Variants in LRP1B observed in about 807,000 individuals in gnomAD.
LRP1B encodes LDL receptor related protein 1B, also known as low-density lipoprotein receptor-related protein 1B.
LRP1B carries 217 observed loss-of-function variants against 556.6 expected under a neutral mutation model. The ratio of observed to expected loss-of-function variants is 0.39; its 90% CI spans 0.35 to 0.44. LRP1B has a LOEUF of 0.44. Among genes scored for constraint, LRP1B ranks in the 20% least tolerant of loss-of-function variants. The probability of loss-of-function intolerance (pLI) is 1.00; values close to 1 mark genes in which losing one functional copy is unlikely to be tolerated. For synonymous variants in LRP1B, 2,047 were observed against 1,865.8 expected (o/e 1.10, Z -2.50); for missense variants, 5,053 against 5,620.8 (o/e 0.90, Z 3.23).
chr2:141,436,459 C>A (rs755503561), intron 3 of LRP1B, among the ~76,000 whole-genome samples: 5 of 152,146 alleles, frequency 3.3e-5, no homozygotes, highest in Non-Finnish European at 5.9e-5. Flanking sequence ...ACAAAACATT[C>A]ATTCAGTAGG....
At chr2:141,352,171 G>A (rs1273812854) in intron 3 of LRP1B, among the ~76,000 whole-genome samples, 1 of 151,876 alleles carries the variant, frequency 6.6e-6, no homozygotes, top group Non-Finnish European at 1.5e-5. Context: ...AAGTTAGGGA[G>A]ATTAGAGAGT....
chr2:141,628,626 A>G (rs1041436906), intron 2 of LRP1B, among the ~76,000 whole-genome samples: 1 of 152,072 alleles, frequency 6.6e-6, no homozygotes, highest in Admixed American at 6.6e-5. Context: ...GGCAGAAGCT[A>G]TAATAAGTTT....
chr2:141,271,479 G>A (rs954816861), intron 3 of LRP1B, among the ~76,000 whole-genome samples: 6 of 151,592 alleles, frequency 4.0e-5, no homozygotes, highest in African/African-American at 1.5e-4. Context: ...AAAAAAATTT[G>A]AAAGCAGAAA....
At chr2:141,380,590 C>T (rs754034437) in intron 3 of LRP1B, among the ~76,000 whole-genome samples, 1 of 152,118 alleles carries the variant, frequency 6.6e-6, no homozygotes, top group Non-Finnish European at 1.5e-5. Flanking sequence ...TTCATTAGGC[C>T]TCTAGGTGCA....
intron 7 of LRP1B, among the ~76,000 whole-genome samples, chr2:141,139,602 C>T (rs1464680896): frequency 1.3e-5 from 2 of 151,792 alleles, no homozygotes; most frequent in African/African-American, 2.4e-5. Flanking sequence ...AATTCAATAT[C>T]ATTAGTAACT....
intron 20 of LRP1B, among the ~76,000 whole-genome samples, chr2:140,937,913 T>A (rs1476709940): frequency 1.8e-5 from 2 of 112,406 alleles, no homozygotes; most frequent in Admixed American, 1.7e-4. Context: ...TGGTAGGACA[T>A]TTTTTTTTTT....
intron 2 of LRP1B, among the ~76,000 whole-genome samples, chr2:141,604,900 G>T (rs1402426339): frequency 6.6e-6 from 1 of 152,000 alleles, no homozygotes; most frequent in Non-Finnish European, 1.5e-5. Flanking sequence ...AAGAACTTGG[G>T]AACCCTGGAA....
chr2:141,013,337 C>T (rs1697809569), intron 14 of LRP1B, among the ~76,000 whole-genome samples: 1 of 151,862 alleles, frequency 6.6e-6, no homozygotes, highest in African/African-American at 2.4e-5. Context: ...AACCTTAAAC[C>T]TCACTCATAT....
intron 41 of LRP1B, among the ~76,000 whole-genome samples, chr2:140,602,727 TG>T (rs34983947): frequency 0.24 from 33,332 of 140,600 alleles, 4,005 homozygotes; most frequent in Admixed American, 0.33. Flanking sequence ...TTTTGAACAA[TG>T]TTTTTTTTCA....
At chr2:140,784,766 T>C (rs1293334131) in intron 32 of LRP1B, among the ~76,000 whole-genome samples, 1 of 150,604 alleles carries the variant, frequency 6.6e-6, no homozygotes, top group Non-Finnish European at 1.5e-5. Context: ...TTAAAAGGAG[T>C]ATAGCTGAAT....
intron 3 of LRP1B, among the ~76,000 whole-genome samples, chr2:141,433,146 G>T (rs1680627263): frequency 6.6e-6 from 1 of 151,722 alleles, no homozygotes; most frequent in Non-Finnish European, 1.5e-5. Context: ...CTGATGCATT[G>T]GTTATTCAGG....
At chr2:140,729,812 A>G (rs573566143) in intron 35 of LRP1B, among the ~76,000 whole-genome samples, 44 of 152,336 alleles carry the variant, frequency 2.9e-4, no homozygotes, top group African/African-American at 1.0e-3. Flanking sequence ...TTAGCTACTT[A>G]GAAGATAGTA....
chr2:141,668,007 G>A (rs1690509649), intron 2 of LRP1B, among the ~76,000 whole-genome samples: 1 of 152,146 alleles, frequency 6.6e-6, no homozygotes, highest in African/African-American at 2.4e-5. Flanking sequence ...GATTACATGT[G>A]TATGTCAAGT....
chr2:140,298,048 A>T (rs2105001696), intron 83 of LRP1B, 79 bp from the exon 84 acceptor site: 1 of 1,358,624 alleles, frequency 7.4e-7, no homozygotes, highest in South Asian at 1.5e-5. Context: ...ATGGGATAAA[A>T]GTTGAGAAGC....
At chr2:140,526,698 C>CAAAAA (rs35329112) in intron 47 of LRP1B, among the ~76,000 whole-genome samples, 1 of 136,292 alleles carries the variant, frequency 7.3e-6, no homozygotes. Flanking sequence ...AGCACTGAGC[C>CAAAAA]AAAAAAAAAA....
chr2:141,183,802 C>T (rs1246836241), intron 7 of LRP1B, among the ~76,000 whole-genome samples: 2 of 152,004 alleles, frequency 1.3e-5, no homozygotes, highest in African/African-American at 4.8e-5. Flanking sequence ...ATCAATGGTA[C>T]CCCAAGTTCC....
At chr2:141,520,626 C>G (rs1049343338) in intron 2 of LRP1B, among the ~76,000 whole-genome samples, 1 of 152,106 alleles carries the variant, frequency 6.6e-6, no homozygotes, top group South Asian at 2.1e-4. Flanking sequence ...CGATGGTAAA[C>G]GGGTCGGGAG....
intron 1 of LRP1B, among the ~76,000 whole-genome samples, chr2:142,098,699 A>G (rs910477643): frequency 6.6e-6 from 1 of 151,814 alleles, no homozygotes; most frequent in Admixed American, 6.6e-5. Context: ...CATTCAGAAC[A>G]GTAGAGCCAG....
At chr2:141,494,937 G>A (rs1683462877) in intron 2 of LRP1B, among the ~76,000 whole-genome samples, 1 of 151,564 alleles carries the variant, frequency 6.6e-6, no homozygotes, top group Non-Finnish European at 1.5e-5. Context: ...ATCAACTAAA[G>A]ATATCTGTTA....
Sources: allele counts gnomAD v4.1 joint callset (sites outside exome capture counted in the v4.1 genomes callset), GRCh38; gene constraint gnomAD v4.1.1; transcripts MANE v1.5; gene names NCBI Gene and HGNC (gene_info 2026-07-23, HGNC 2026-07-21).